DESI2: variants seen among roughly 807,000 people sequenced by gnomAD.
DESI2 encodes deubiquitinase DESI2.
In DESI2, 10 loss-of-function variants were observed where a neutral mutation model predicts 24.1. The ratio of observed to expected loss-of-function variants is 0.41; its 90% CI spans 0.26 to 0.70. The LOEUF is 0.70. Ranked by LOEUF, DESI2 falls within the 30% of genes least tolerant of loss-of-function variation. The pLI is 0.29. For missense variants in DESI2, 122 were observed against 234.9 expected, an observed-to-expected ratio of 0.52 and a Z score of 3.14; for synonymous variants, 71 against 87.7, an observed-to-expected ratio of 0.81 and a Z score of 1.06.
chr1:244,653,643 T>G, intron 1 of DESI2: 1 of 509,574 alleles, frequency 2.0e-6, no homozygotes. Context: ...GCCCGACCCC[T>G]TGGCCGACGT....
At chr1:244,699,149 T>TG (rs1408245363) in intron 4 of DESI2, among the ~76,000 whole-genome samples, 2 of 152,224 alleles carry the variant, frequency 1.3e-5, no homozygotes, top group African/African-American at 4.8e-5. Context: ...AATGGAATGA[T>TG]GCTATAGGCC....
chr1:244,703,551 A>G (rs926731627), intron 4 of DESI2, among the ~76,000 whole-genome samples: 1 of 151,836 alleles, frequency 6.6e-6, no homozygotes, highest in African/African-American at 2.4e-5. Flanking sequence ...AGGTCTTACT[A>G]TGTTGCCCAG....
At chr1:244,690,813 G>A (rs1451392689) in intron 3 of DESI2, among the ~76,000 whole-genome samples, 1 of 152,060 alleles carries the variant, frequency 6.6e-6, no homozygotes, top group African/African-American at 2.4e-5. Context: ...ACAGTGAAAT[G>A]AGGTTCCAAC....
intron 4 of DESI2, among the ~76,000 whole-genome samples, chr1:244,699,497 C>T (rs895549594): frequency 2.2e-5 from 3 of 138,626 alleles, no homozygotes; most frequent in Non-Finnish European, 4.6e-5. Flanking sequence ...CAGGAGAATT[C>T]CTTGAATACA....
At chr1:244,687,833 G>A in intron 2 of DESI2, among the ~76,000 whole-genome samples, 1 of 152,220 alleles carries the variant, frequency 6.6e-6, no homozygotes, top group Middle Eastern at 3.2e-3. Context: ...TCTTTTGGCT[G>A]ATTTGGCTTT....
At chr1:244,669,962 C>CTT (rs11392135) in intron 1 of DESI2, among the ~76,000 whole-genome samples, 2,123 of 148,072 alleles carry the variant, frequency 0.014, 29 homozygotes, top group South Asian at 0.057. Context: ...ATAAATAATT[C>CTT]TTTTTTTTTT....
intron 4 of DESI2, among the ~76,000 whole-genome samples, chr1:244,704,950 G>A (rs1049574680): frequency 1.1e-4 from 17 of 152,136 alleles, no homozygotes; most frequent in African/African-American, 2.7e-4. Flanking sequence ...GAGCCACCGC[G>A]CCTGGCCCAC....
chr1:244,694,166 G>A (rs995712225), intron 4 of DESI2, among the ~76,000 whole-genome samples: 5 of 152,222 alleles, frequency 3.3e-5, no homozygotes, highest in Middle Eastern at 3.4e-3. Flanking sequence ...ATTTAACACC[G>A]TAATGTTATC....
At chr1:244,681,808 C>G (rs1461716773) in intron 1 of DESI2, among the ~76,000 whole-genome samples, 1 of 152,166 alleles carries the variant, frequency 6.6e-6, no homozygotes, top group East Asian at 1.9e-4. Context: ...CAATTTGATA[C>G]ACAACTAGGT....
rs369180769 is a variant in DESI2, at chr1:244,663,875, A to G, written c.42+10520A>G. On this transcript the variant is annotated intron_variant, in intron 1 of 4. Coordinates refer to ENST00000302550, the MANE Select transcript of DESI2 (RefSeq NM_016076.5). The stretch of plus-strand genomic sequence containing the variant: ...CTGCTAAAAATACAAAAAATTAGCC[A>G]GGCGTGGTGGCGGGCGCCTGTAGTC... Among the ~76,000 whole-genome samples, 151 of 152,032 alleles carry G rather than the reference A, an allele frequency of 9.9e-4. 2 individuals are homozygous for G. In the East Asian group the frequency reaches 0.014, roughly 14 times the overall value.
intron 3 of DESI2, among the ~76,000 whole-genome samples, chr1:244,690,408 T>C (rs1435415458): frequency 1.3e-5 from 2 of 152,168 alleles, no homozygotes; most frequent in Non-Finnish European, 2.9e-5. Flanking sequence ...AGGTTTGTAT[T>C]TAAAGTGATA....
chr1:244,703,553 G>T (rs1351384376), intron 4 of DESI2, among the ~76,000 whole-genome samples: 1 of 151,918 alleles, frequency 6.6e-6, no homozygotes, highest in Non-Finnish European at 1.5e-5. Flanking sequence ...GTCTTACTAT[G>T]TTGCCCAGGG....
At chr1:244,680,486 A>G (rs1397518385) in intron 1 of DESI2, among the ~76,000 whole-genome samples, 8 of 151,966 alleles carry the variant, frequency 5.3e-5, no homozygotes, top group Admixed American at 5.2e-4. Context: ...GTCCAGACTT[A>G]CCTGATTTTT....
intron 4 of DESI2, among the ~76,000 whole-genome samples, chr1:244,693,506 A>G (rs1181331045): frequency 6.6e-6 from 1 of 151,742 alleles, no homozygotes; most frequent in Non-Finnish European, 1.5e-5. Context: ...ATCTTGGCTC[A>G]CCACAACCTC....
intron 4 of DESI2, among the ~76,000 whole-genome samples, chr1:244,700,991 C>G (rs1319851222): frequency 1.3e-5 from 2 of 152,070 alleles, no homozygotes; most frequent in East Asian, 1.9e-4. Flanking sequence ...GAGGAGATTT[C>G]CAAGCAAAGT....
intron 1 of DESI2, among the ~76,000 whole-genome samples, chr1:244,659,150 C>T (rs1431501619): frequency 6.8e-6 from 1 of 147,210 alleles, no homozygotes; most frequent in Non-Finnish European, 1.5e-5. Flanking sequence ...TACATCTGCC[C>T]TCCTACATTA....
intron 1 of DESI2, among the ~76,000 whole-genome samples, chr1:244,656,085 TC>T (rs1317735482): frequency 1.3e-5 from 2 of 152,236 alleles, no homozygotes; most frequent in Admixed American, 1.3e-4. Flanking sequence ...TGGTAATTCT[TC>T]CTATTCATCA....
chr1:244,653,491 T>C (rs1176936776), intron 1 of DESI2, 136 bp downstream of exon 1: 2 of 748,654 alleles, frequency 2.7e-6, no homozygotes, highest in Non-Finnish European at 4.0e-6. Context: ...AAGCCGGGGG[T>C]GAAGGAGGGA....
At chr1:244,684,228 T>C (rs1289790317) in intron 1 of DESI2, among the ~76,000 whole-genome samples, 1 of 152,180 alleles carries the variant, frequency 6.6e-6, no homozygotes, top group Non-Finnish European at 1.5e-5. Flanking sequence ...ACTAAGATAA[T>C]AGCATTTTAC....
Sources: allele counts gnomAD v4.1 joint callset (sites outside exome capture counted in the v4.1 genomes callset), GRCh38; gene constraint gnomAD v4.1.1; transcripts MANE v1.5; gene names NCBI Gene and HGNC (gene_info 2026-07-23, HGNC 2026-07-21).